CAMKMT: variants seen among roughly 807,000 people sequenced by gnomAD.
The protein encoded by CAMKMT is CaM KMT.
CAMKMT carries 53 observed loss-of-function variants against 48.0 expected under a neutral mutation model. The ratio of observed to expected loss-of-function variants is 1.10; its 90% CI spans 0.89 to 1.39. The LOEUF is 1.39. Ranked by LOEUF, CAMKMT falls within the 40% of genes most tolerant of loss-of-function variation. CAMKMT has a pLI of 0.00. For synonymous variants in CAMKMT, 165 were observed against 152.3 expected, an observed-to-expected ratio of 1.08 and a Z score of -0.61; for missense variants, 428 against 402.7, an observed-to-expected ratio of 1.06 and a Z score of -0.54.
At chr2:44,736,515 G>A (rs1358144420) in intron 7 of CAMKMT, among the ~76,000 whole-genome samples, 2 of 152,028 alleles carry the variant, frequency 1.3e-5, no homozygotes, top group Non-Finnish European at 2.9e-5. Flanking sequence ...TGTTTCTTGT[G>A]TTTGGGCTTG....
chr2:44,587,354 T>C (rs1315749758), intron 3 of CAMKMT, among the ~76,000 whole-genome samples: 1 of 152,222 alleles, frequency 6.6e-6, no homozygotes, highest in Non-Finnish European at 1.5e-5. Flanking sequence ...GTTTTACATA[T>C]CTTTTGTCAG....
At chr2:44,635,403 A>G (rs1173572368) in intron 3 of CAMKMT, among the ~76,000 whole-genome samples, 1 of 152,246 alleles carries the variant, frequency 6.6e-6, no homozygotes, top group African/African-American at 2.4e-5. Context: ...GTATACATTT[A>G]TTAATAAACT....
chr2:44,557,591 C>A (rs910113612), intron 3 of CAMKMT, among the ~76,000 whole-genome samples: 3 of 152,092 alleles, frequency 2.0e-5, no homozygotes, highest in African/African-American at 7.2e-5. Flanking sequence ...TTCTTTCCTT[C>A]CTCCCTTCTT....
chr2:44,563,603 C>G (rs1668445356), intron 3 of CAMKMT, among the ~76,000 whole-genome samples: 1 of 152,100 alleles, frequency 6.6e-6, no homozygotes, highest in African/African-American at 2.4e-5. Flanking sequence ...AGGTATATCT[C>G]CTAATGCTAT....
chr2:44,721,847 A>G (rs1678476319), intron 7 of CAMKMT, among the ~76,000 whole-genome samples: 2 of 126,462 alleles, frequency 1.6e-5, no homozygotes, highest in African/African-American at 2.9e-5. Context: ...AGAGGAGAGG[A>G]GAGGGGAGGG....
intron 3 of CAMKMT, among the ~76,000 whole-genome samples, chr2:44,483,729 T>G (rs1040043671): frequency 6.6e-6 from 1 of 152,174 alleles, no homozygotes; most frequent in African/African-American, 2.4e-5. Flanking sequence ...TTTTGAAAAC[T>G]GATCTTCAAG....
At chr2:44,715,413 A>T in intron 7 of CAMKMT, 60 bp downstream of exon 7, 1 of 1,216,212 alleles carries the variant, frequency 8.2e-7, no homozygotes, top group Non-Finnish European at 1.2e-6. Flanking sequence ...GATACTATGG[A>T]TGGTTATTAA....
At chr2:44,591,861 C>T (rs1670302913) in intron 3 of CAMKMT, among the ~76,000 whole-genome samples, 1 of 152,022 alleles carries the variant, frequency 6.6e-6, no homozygotes, top group South Asian at 2.1e-4. Context: ...GGCACATATA[C>T]ACCATGGAAT....
At chr2:44,631,238 G>A (rs866037846) in intron 3 of CAMKMT, among the ~76,000 whole-genome samples, 4 of 152,214 alleles carry the variant, frequency 2.6e-5, no homozygotes, top group Middle Eastern at 6.8e-3. Flanking sequence ...CACACTCTGG[G>A]GACTGTTGTT....
At chr2:44,400,960 A>ATG (rs58619428) in intron 3 of CAMKMT, 1 of 94,882 alleles carries the variant, frequency 1.1e-5, no homozygotes, top group Non-Finnish European at 2.0e-5. Flanking sequence ...ATATATATAT[A>ATG]TGTATGTACA....
intron 2 of CAMKMT, among the ~76,000 whole-genome samples, chr2:44,387,179 T>C (rs966507549): frequency 1.3e-5 from 2 of 152,182 alleles, no homozygotes; most frequent in African/African-American, 4.8e-5. Flanking sequence ...GTAATTGTTT[T>C]ATAAATTTGG....
chr2:44,452,159 A>G (rs970022351), intron 3 of CAMKMT, among the ~76,000 whole-genome samples: 1 of 151,988 alleles, frequency 6.6e-6, no homozygotes, highest in African/African-American at 2.4e-5. Flanking sequence ...CTTAGCCAGA[A>G]TAATTTTCCA....
chr2:44,482,236 G>A (rs771292036), intron 3 of CAMKMT, among the ~76,000 whole-genome samples: 50 of 152,056 alleles, frequency 3.3e-4, no homozygotes, highest in Non-Finnish European at 6.8e-4. Context: ...GTAGTAAATG[G>A]AATTTTTCAC....
At chr2:44,664,835 T>C (rs1474232875) in intron 3 of CAMKMT, among the ~76,000 whole-genome samples, 1 of 151,834 alleles carries the variant, frequency 6.6e-6, no homozygotes, top group Non-Finnish European at 1.5e-5. Flanking sequence ...AGACAGAAAA[T>C]GAGCAGAAAC....
At chr2:44,416,568 A>ATTTTTTTT (rs34882377) in intron 3 of CAMKMT, among the ~76,000 whole-genome samples, 10 of 80,256 alleles carry the variant, frequency 1.2e-4, no homozygotes, top group African/African-American at 1.5e-4. Context: ...ACTTAGCATG[A>ATTTTTTTT]TTTTTTTTTT....
chr2:44,638,037 C>T (rs1211943163), intron 3 of CAMKMT, among the ~76,000 whole-genome samples: 5 of 136,232 alleles, frequency 3.7e-5, no homozygotes, highest in South Asian at 2.3e-4. Context: ...CCTGGGCGAC[C>T]GAGCGAGACT....
At chr2:44,493,693 T>A (rs921441634) in intron 3 of CAMKMT, among the ~76,000 whole-genome samples, 3 of 152,228 alleles carry the variant, frequency 2.0e-5, no homozygotes, top group Non-Finnish European at 4.4e-5. Context: ...CTTTGGTAAT[T>A]TATAGAAGAA....
intron 8 of CAMKMT, among the ~76,000 whole-genome samples, chr2:44,750,496 T>G (rs1388253216): frequency 6.6e-6 from 1 of 152,216 alleles, no homozygotes; most frequent in African/African-American, 2.4e-5. Flanking sequence ...TTGTCAATTT[T>G]TATTAAGTAG....
At chr2:44,652,761 T>G (rs1674151256) in intron 3 of CAMKMT, among the ~76,000 whole-genome samples, 1 of 151,684 alleles carries the variant, frequency 6.6e-6, no homozygotes, top group Non-Finnish European at 1.5e-5. Flanking sequence ...TGGAAAGGAG[T>G]TAATCCGTAT....
Sources: gnomAD v4.1 joint callset for allele counts (sites outside exome capture counted in the v4.1 genomes callset) on GRCh38, gnomAD v4.1.1 for gene constraint, MANE v1.5 for transcripts, NCBI Gene and HGNC (gene_info 2026-07-23, HGNC 2026-07-21) for gene names.